Variants in DRC1 observed in about 807,000 individuals in gnomAD.
DRC1 encodes dynein regulatory complex protein 1.
A neutral mutation model predicts 98.7 loss-of-function variants in DRC1; 74 were observed. The observed-to-expected ratio is 0.75, with a 90% CI of 0.62 to 0.91. DRC1 has a LOEUF of 0.91. DRC1 is among the 40% of genes least tolerant of loss of function. The probability of loss-of-function intolerance (pLI) is 0.00; values close to 1 mark genes in which losing one functional copy is unlikely to be tolerated. For synonymous variants in DRC1, 336 were observed against 334.1 expected, an observed-to-expected ratio of 1.01 and a Z score of -0.06; for missense variants, 875 against 886.0, an observed-to-expected ratio of 0.99 and a Z score of 0.16.
At chr2:26,425,368 A>G (rs2147988021) in intron 4 of DRC1, among the ~76,000 whole-genome samples, 2 of 152,332 alleles carry the variant, frequency 1.3e-5, no homozygotes, top group Middle Eastern at 6.8e-3. Flanking sequence ...TTTTGTGAGT[A>G]ATGCTGCTAT....
intron 7 of DRC1, among the ~76,000 whole-genome samples, chr2:26,438,085 C>T (rs947518371): frequency 1.1e-5 from 1 of 91,500 alleles, no homozygotes; most frequent in Non-Finnish European, 1.9e-5. Context: ...AAGACTCTAT[C>T]TCAAAAAAAA....
intron 7 of DRC1, among the ~76,000 whole-genome samples, chr2:26,437,670 A>T (rs550445207): frequency 6.6e-6 from 1 of 152,312 alleles, no homozygotes; most frequent in South Asian, 2.1e-4. Flanking sequence ...TTGTCCCAGC[A>T]TTATTTTATA....
chr2:26,456,464 A>C lies in DRC1; in HGVS notation c.2170A>C (p.Asn724His), dbSNP rs1444929388. Residue 724 changes from asparagine (N) to histidine (H), a missense_variant, in exon 17 of 17, where the codon AAC becomes CAC. Asn to His is a moderately conservative substitution (Grantham distance 68). Transcript: ENST00000288710. ...ACTTTCACCCTTTCTTTTCCAGATCAACTCTGAACTGCAAGTTCCTCCCAC... is the reference window on the plus strand; with the variant it reads ...ACTTTCACCCTTTCTTTTCCAGATCCACTCTGAACTGCAAGTTCCTCCCAC... The part of the protein sequence containing the change: ...LLQQYLNSKI[N>H]SELQVPPTQV... 6.2e-7 allele frequency: 1 copy of C among 1,614,142 alleles called. No individual in the cohort carries two copies. Among genetic ancestry groups the C allele is most frequent in the Non-Finnish European group, 8.5e-7 (1 of 1,179,994 alleles).
At chr2:26,455,865 C>A (rs986643517) in intron 16 of DRC1, among the ~76,000 whole-genome samples, 13 of 152,230 alleles carry the variant, frequency 8.5e-5, no homozygotes, top group Admixed American at 7.9e-4. Flanking sequence ...GCTGACATTT[C>A]CTGCTCTGCG....
intron 13 of DRC1, among the ~76,000 whole-genome samples, chr2:26,453,063 G>C (rs1202829549): frequency 6.6e-6 from 1 of 152,184 alleles, no homozygotes; most frequent in East Asian, 1.9e-4. Context: ...TAAGCTTTAT[G>C]AATGTCAGTA....
chr2:26,425,591 T>G (rs963035374), intron 4 of DRC1, among the ~76,000 whole-genome samples: 7 of 152,248 alleles, frequency 4.6e-5, no homozygotes, highest in Admixed American at 2.6e-4. Flanking sequence ...ACTTACATCC[T>G]GTTTTTTTGA....
chr2:26,455,136 T>C lies in DRC1; in HGVS notation c.2069T>C (p.Val690Ala), dbSNP rs199858918. 2.3e-4 allele frequency: 365 copies of C among 1,614,034 alleles called. 5 individuals carry two copies. In the South Asian group the frequency reaches 3.7e-3, roughly 16 times the overall value. Reference protein sequence around the residue: ...LYTALEKYHLVLTQRAKLLLE... With the variant: ...LYTALEKYHLALTQRAKLLLE... ...ACCGATTTTTCTGTCCAAAGCCTTG[T>C]CCTGACCCAGAGGGCCAAGCTGCTG... Residue 690 changes from valine (V) to alanine (A), a missense_variant, in exon 16 of 17, where the codon GTC becomes GCC. Transcript: ENST00000288710.
In DRC1 at chr2:26,453,560, G is replaced by T; in HGVS notation, c.1919+11G>T. ...TCTGAAGAAGCCTAGGTGGGCTGCG[G>T]GGCTGGAAGGCTTGCCTGAGACCAG... On this transcript the variant is annotated intron_variant, in intron 14 of 16. Coordinates refer to ENST00000288710, the MANE Select transcript of DRC1 (RefSeq NM_145038.5). 1 of 1,610,510 alleles carries T rather than the reference G, an allele frequency of 6.2e-7. No individual in the cohort carries two copies. Among genetic ancestry groups the T allele is most frequent in the Non-Finnish European group, 8.5e-7 (1 of 1,177,824 alleles).
At chr2:26,412,330 T>G (rs893666498) in intron 1 of DRC1, among the ~76,000 whole-genome samples, 1 of 152,104 alleles carries the variant, frequency 6.6e-6, no homozygotes, top group African/African-American at 2.4e-5. Flanking sequence ...ATCGCGCCAT[T>G]GCACTCCAGC....
chr2:26,444,773 G>A lies in DRC1; in HGVS notation c.1221G>A (p.Glu407=). The change falls in exon 10 of 17, where the codon GAG becomes GAA. Residue 407 remains glutamate, a synonymous_variant. Transcript: ENST00000288710. ...KFWEIWLMNE[E]EAKDLIARAF... is the part of the protein sequence containing the mutation. ...GGGAGATTTGGCTGATGAATGAAGA[G>A]GAGGCGAAGGACCTAATAGCCAGAG... The A allele has an allele frequency of 1.2e-6, 2 of 1,614,178 alleles. No individual in the cohort carries two copies. The highest frequency in any genetic ancestry group is 1.7e-6 in the Non-Finnish European group (2 of 1,180,026).
At chr2:26,448,844 G>A (rs764203443) in intron 11 of DRC1, 41 bp downstream of exon 11, 29 of 1,599,986 alleles carry the variant, frequency 1.8e-5, no homozygotes, top group African/African-American at 2.7e-5. Context: ...ACTCACGGGG[G>A]TGTGCAGGTT....
In DRC1 at chr2:26,456,635, G is replaced by C; in HGVS notation, c.*118G>C. On this transcript the variant is annotated 3_prime_UTR_variant, in exon 17 of 17. Coordinates refer to ENST00000288710, the MANE Select transcript of DRC1 (RefSeq NM_145038.5). ...CCTGCTCTCTGGATTTTCCAGGGCT[G>C]TCTTTATAGCCTGTCGAAATAAGGA... 1 of 1,206,788 alleles carries C rather than the reference G, an allele frequency of 8.3e-7. No individual in the cohort carries two copies. Among genetic ancestry groups the C allele is most frequent in the African/African-American group, 1.5e-5 (1 of 66,486 alleles). The allele number at this position is 1,206,788 out of a possible 1,614,324, so 74.8% of individuals were successfully genotyped here. A position where few individuals can be genotyped will look rare whatever the true frequency, so the allele number is the denominator to read the frequency against.
intron 1 of DRC1, among the ~76,000 whole-genome samples, chr2:26,405,269 G>A (rs893879004): frequency 2.0e-5 from 3 of 152,138 alleles, no homozygotes; most frequent in Non-Finnish European, 2.9e-5. Flanking sequence ...TATTTTGTAA[G>A]CCATCTTTAA....
rs1266757101 is a variant in DRC1 at position 26,430,813 on chromosome 2, C to CTA, written c.707_708dup (p.Leu237TyrfsTer28). 1 of 1,614,146 alleles carries CTA rather than the reference C, an allele frequency of 6.2e-7. No homozygotes were observed. Among genetic ancestry groups the CTA allele is most frequent in the Non-Finnish European group, 8.5e-7 (1 of 1,180,014 alleles). On this transcript the variant is annotated frameshift_variant, in exon 6 of 17. Transcript: ENST00000288710. LOFTEE classifies it high-confidence loss of function. ...AGCATTTGAGGTGGAACGCCAAGAG[C>CTA]TACTGGCCAGTAATAAGAAGAAATG...
chr2:26,404,020 A>C (rs1678342079), intron 1 of DRC1, among the ~76,000 whole-genome samples: 2 of 151,870 alleles, frequency 1.3e-5, no homozygotes, highest in Non-Finnish European at 2.9e-5. Flanking sequence ...GAATCGCTTG[A>C]ACCCAGGAGG....
chr2:26,408,738 T>C (rs1441581874), intron 1 of DRC1, among the ~76,000 whole-genome samples: 2 of 151,732 alleles, frequency 1.3e-5, no homozygotes, highest in Non-Finnish European at 2.9e-5. Context: ...GCCACTACAC[T>C]CCAGCCTGGG....
chr2:26,430,958 CTTTTTTTT>C (rs5830013), intron 6 of DRC1, 86 bp downstream of exon 6: 5 of 344,850 alleles, frequency 1.4e-5, no homozygotes, highest in Non-Finnish European at 1.8e-5. Context: ...CTTTTTCTAT[CTTTTTTTT>C]TTTTTTTTTT....
intron 13 of DRC1, among the ~76,000 whole-genome samples, chr2:26,451,246 C>G (rs1367280255): frequency 6.6e-6 from 1 of 152,042 alleles, no homozygotes; most frequent in Non-Finnish European, 1.5e-5. Flanking sequence ...TTTCCTGCAC[C>G]CTCCCTCAAA....
At chr2:26,402,657 T>A (rs1294020004) in intron 1 of DRC1, among the ~76,000 whole-genome samples, 1 of 152,228 alleles carries the variant, frequency 6.6e-6, no homozygotes, top group Non-Finnish European at 1.5e-5. Flanking sequence ...AGTTTCCTTC[T>A]CTGTAGAGGA....
Sources: gnomAD v4.1 joint callset for allele counts (sites outside exome capture counted in the v4.1 genomes callset) on GRCh38, gnomAD v4.1.1 for gene constraint, MANE v1.5 for transcripts, NCBI Gene and HGNC (gene_info 2026-07-23, HGNC 2026-07-21) for gene names.